The following A2ML1 variants were observed in gnomAD, a reference collection of about 807,000 sequenced individuals.
A2ML1 encodes alpha-2-macroglobulin like 1.
A2ML1 carries 161 observed loss-of-function variants against 181.9 expected under a neutral mutation model. The observed-to-expected ratio is 0.89, with a 90% CI of 0.78 to 1.01. The LOEUF is 1.01. Among genes scored for constraint, A2ML1 ranks in the 50% least tolerant of loss-of-function variants. The pLI is 0.00. For missense variants in A2ML1, 1,670 were observed against 1,768.1 expected, an observed-to-expected ratio of 0.94 and a Z score of 1.00; for synonymous variants, 663 against 666.8, an observed-to-expected ratio of 0.99 and a Z score of 0.09.
At chr12:8,848,127 TCAAAAACAAAAAAAAAAAAA>T (rs1351511506) in intron 15 of A2ML1, among the ~76,000 whole-genome samples, 1 of 132,526 alleles carries the variant, frequency 7.5e-6, no homozygotes, top group Non-Finnish European at 1.6e-5. Flanking sequence ...AAACTCTGTC[TCAAAAACAAAAAAAAAAAAA>T]CAAAAACAAA....
intron 13 of A2ML1, 94 bp downstream of exon 13, chr12:8,845,596 C>T: frequency 2.3e-6 from 3 of 1,328,190 alleles, no homozygotes; most frequent in Non-Finnish European, 3.2e-6. Context: ...GCCTGTAATC[C>T]CAGCACTTTG....
At chr12:8,874,650 ATAAT>A (rs1944744030) in intron 34 of A2ML1, 123 bp downstream of exon 34, 2 of 742,382 alleles carry the variant, frequency 2.7e-6, no homozygotes, top group African/African-American at 3.6e-5. Flanking sequence ...CAAGTAGCAC[ATAAT>A]TAAATTATCT....
chr12:8,849,876 T>C, intron 17 of A2ML1, 117 bp downstream of exon 17: 1 of 939,020 alleles, frequency 1.1e-6, no homozygotes, highest in South Asian at 1.6e-5. Context: ...TGCTAATGGG[T>C]TGTGGGTCAC....
chr12:8,834,954 T>A (rs4883187), intron 5 of A2ML1: 8 of 493,328 alleles, frequency 1.6e-5, no homozygotes, highest in Non-Finnish European at 2.9e-5. Context: ...TGTGCCCAGA[T>A]GACTTAACCA....
Position 8,867,831 on chromosome 12 carries a change from G to A in A2ML1, c.3718-11G>A. 2 of 1,612,090 alleles carry A rather than the reference G, an allele frequency of 1.2e-6. No homozygotes were observed. Among genetic ancestry groups the A allele is most frequent in the South Asian group, 1.1e-5 (1 of 91,044 alleles). On this transcript the variant is annotated splice_polypyrimidine_tract_variant and intron_variant, in intron 29 of 35. Transcript: ENST00000299698. ...CAAAATGGTAAGTATACGTTTGGTT[G>A]TTTCCCTCAGGATACTGTAGTTGCT... is the stretch of plus-strand genomic sequence containing the variant.
intron 8 of A2ML1, 82 bp downstream of exon 8, chr12:8,837,648 G>A (rs1592114669): frequency 1.1e-5 from 15 of 1,419,752 alleles, no homozygotes; most frequent in East Asian, 8.2e-5. Context: ...TTGGGAGGCC[G>A]AGATGGGCGG....
At chr12:8,831,228 AGGCCTGAGCCACTGCACCC>A (rs906498714) in intron 4 of A2ML1, among the ~76,000 whole-genome samples, 17 of 152,118 alleles carry the variant, frequency 1.1e-4, no homozygotes, top group African/African-American at 3.9e-4. Flanking sequence ...TTGGGATTAT[AGGCCTGAGCCACTGCACCC>A]GGCCTGAGTG....
intron 29 of A2ML1, among the ~76,000 whole-genome samples, chr12:8,867,446 A>T (rs183098149): frequency 1.2e-3 from 179 of 152,244 alleles, no homozygotes; most frequent in Non-Finnish European, 2.3e-3. Flanking sequence ...TTGGGAGTTC[A>T]AGACTAGCCT....
intron 6 of A2ML1, 27 bp downstream of exon 6, chr12:8,835,693 G>A (rs1253631854): frequency 6.2e-7 from 1 of 1,613,366 alleles, no homozygotes; most frequent in Non-Finnish European, 8.5e-7. Context: ...ACAGGCCAAA[G>A]TATTGGGCAT....
downstream of A2ML1, among the ~76,000 whole-genome samples, chr12:8,878,003 A>G (rs1565499617): frequency 6.6e-6 from 1 of 152,148 alleles, no homozygotes; most frequent in Non-Finnish European, 1.5e-5. This position sits in a 1 kb window ranked among gnomAD's most constrained non-coding sequence, Gnocchi z 4.4. Context: ...CTATGTAGCC[A>G]TAAAAAAGAA....
intron 10 of A2ML1, among the ~76,000 whole-genome samples, chr12:8,840,959 G>A (rs1198089347): frequency 6.8e-6 from 1 of 146,628 alleles, no homozygotes; most frequent in Admixed American, 6.9e-5. Context: ...AGGAAGGAAG[G>A]AAGGAAAGAA....
intron 17 of A2ML1, 75 bp downstream of exon 17, chr12:8,849,834 C>T (rs922587940): frequency 2.2e-6 from 3 of 1,393,896 alleles, no homozygotes; most frequent in Admixed American, 1.8e-5. Flanking sequence ...CCTCTTGCCT[C>T]CTGTTCTTGC....
intron 35 of A2ML1, 94 bp from the exon 36 acceptor site, chr12:8,875,964 A>G (rs1480223008): frequency 1.3e-5 from 2 of 152,168 alleles, no homozygotes; most frequent in Non-Finnish European, 2.9e-5. Context: ...ATTTTTTTGT[A>G]TATATATAGA....
intron 10 of A2ML1, among the ~76,000 whole-genome samples, chr12:8,840,758 A>G (rs1457256276): frequency 1.3e-5 from 2 of 151,884 alleles, no homozygotes; most frequent in South Asian, 2.1e-4. Flanking sequence ...AAATACAAAA[A>G]TTAGCCAGGT....
At position 8,845,143 on chromosome 12, in the gene A2ML1, G is replaced by T. The variant is rs143808943; in HGVS notation, c.1477-299G>T. ...AGATTATAAGAAAATAAAATTTGGA[G>T]ATCTTCAAGAAATGGCAGACAGTTA... is the stretch of plus-strand genomic sequence containing the variant. On this transcript the variant is annotated intron_variant, in intron 12 of 35. Transcript: ENST00000299698. 2,233 of 1,487,134 alleles carry T rather than the reference G, an allele frequency of 1.5e-3. 51 individuals are homozygous for T. In the South Asian group the frequency reaches 0.027, roughly 18 times the overall value. 92.1% of individuals were successfully genotyped at this position (1,487,134 alleles called of 1,614,324 possible).
intron 31 of A2ML1, 85 bp downstream of exon 31, chr12:8,868,442 GTA>G: frequency 6.4e-7 from 1 of 1,552,124 alleles, no homozygotes; most frequent in Non-Finnish European, 8.7e-7. Flanking sequence ...GTGTGTCTGT[GTA>G]TGTGTGTGTG....
intron 3 of A2ML1, among the ~76,000 whole-genome samples, chr12:8,826,374 G>A (rs1360027942): frequency 6.6e-6 from 1 of 151,934 alleles, no homozygotes; most frequent in Non-Finnish European, 1.5e-5. Flanking sequence ...ATTATTTATA[G>A]CTATTGTAAA....
At chr12:8,846,501 TCAAGACCAGCCTGGACAA>T (rs1943692011) in intron 14 of A2ML1, among the ~76,000 whole-genome samples, 2 of 152,178 alleles carry the variant, frequency 1.3e-5, no homozygotes, top group South Asian at 4.2e-4. Flanking sequence ...GGTCAAGGGT[TCAAGACCAGCCTGGACAA>T]CATAGCAAGA....
intron 3 of A2ML1, among the ~76,000 whole-genome samples, chr12:8,828,556 A>G (rs573991800): frequency 6.6e-6 from 1 of 152,154 alleles, no homozygotes; most frequent in African/African-American, 2.4e-5. Context: ...GCCACAGCCC[A>G]TAACTGGCGA....
Sources: allele counts gnomAD v4.1 joint callset (sites outside exome capture counted in the v4.1 genomes callset), GRCh38; gene constraint gnomAD v4.1.1; non-coding constraint Gnocchi (gnomAD v3.1); transcripts MANE v1.5; gene names NCBI Gene and HGNC (gene_info 2026-07-23, HGNC 2026-07-21).